PTPRG: variants seen among roughly 807,000 people sequenced by gnomAD.
The protein encoded by PTPRG is receptor-type tyrosine-protein phosphatase gamma.
A neutral mutation model predicts 165.3 loss-of-function variants in PTPRG; 102 were observed. The observed-to-expected ratio is 0.62, with a 90% CI of 0.53 to 0.73. PTPRG has a LOEUF of 0.73. PTPRG is among the 30% of genes least tolerant of loss of function. The probability of loss-of-function intolerance (pLI) is 0.00; values close to 1 mark genes in which losing one functional copy is unlikely to be tolerated. For missense variants in PTPRG, 1,866 were observed against 1,861.4 expected (o/e 1.00, Z -0.05); for synonymous variants, 675 against 669.5 (o/e 1.01, Z -0.13).
chr3:62,277,217 G>A (rs1702259582), intron 25 of PTPRG, among the ~76,000 whole-genome samples, 169 bp downstream of exon 25: 1 of 152,116 alleles, frequency 6.6e-6, no homozygotes, highest in African/African-American at 2.4e-5. Flanking sequence ...TACCTAATCA[G>A]TGCTGGTACA....
intron 1 of PTPRG, among the ~76,000 whole-genome samples, chr3:61,641,103 T>C (rs1702047302): frequency 6.6e-6 from 1 of 152,196 alleles, no homozygotes; most frequent in South Asian, 2.1e-4. Context: ...GCTTGACTCT[T>C]TGATCATCAA....
At chr3:61,925,346 C>G (rs2039180909) in intron 2 of PTPRG, among the ~76,000 whole-genome samples, 1 of 152,200 alleles carries the variant, frequency 6.6e-6, no homozygotes, top group Non-Finnish European at 1.5e-5. Context: ...GTTCCACTAG[C>G]CTCATGGAGC....
intron 1 of PTPRG, among the ~76,000 whole-genome samples, chr3:61,672,547 G>A (rs1283743480): frequency 7.0e-6 from 1 of 143,820 alleles, no homozygotes; most frequent in African/African-American, 2.6e-5. Flanking sequence ...GCGAAACCCC[G>A]TCTCCACCAA....
chr3:61,792,350 C>T (rs917685831), intron 2 of PTPRG, among the ~76,000 whole-genome samples: 1 of 151,978 alleles, frequency 6.6e-6, no homozygotes, highest in African/African-American at 2.4e-5. Context: ...GTCACCCCTC[C>T]GTAGCTGGGA....
Position 62,267,402 on chromosome 3 carries a change from T to C in PTPRG, c.2657-8T>C, listed in dbSNP as rs373714700. 3 of 1,577,500 alleles carry C rather than the reference T, an allele frequency of 1.9e-6. No homozygotes were observed. Among genetic ancestry groups the C allele is most frequent in the Non-Finnish European group, 2.6e-6 (3 of 1,156,374 alleles). On this transcript the variant is annotated splice_region_variant and splice_polypyrimidine_tract_variant and intron_variant, in intron 17 of 29. Transcript: ENST00000474889. ...TTTATTTCTGTTTTTTTTTCTTATC[T>C]TCTATAGATGATCACAGTAGGGTGA...
In PTPRG at chr3:62,100,344, G is replaced by A. The variant is rs373631552; in HGVS notation, c.615+22086G>A. On this transcript the variant is annotated intron_variant, in intron 5 of 29. Transcript: ENST00000474889. ...TTTTCTATATCTTAAACAGAAAACCGACACTTTGGTTATTACAACATAATG... is the reference window on the plus strand; with the variant it reads ...TTTTCTATATCTTAAACAGAAAACCAACACTTTGGTTATTACAACATAATG... Among the ~76,000 whole-genome samples the A allele has an allele frequency of 3.0e-4, 46 of 152,224 alleles. No homozygotes were observed. In the East Asian group the frequency reaches 7.9e-3, roughly 26 times the overall value.
intron 2 of PTPRG, among the ~76,000 whole-genome samples, chr3:61,943,573 G>A (rs1278969841): frequency 6.6e-6 from 1 of 152,200 alleles, no homozygotes; most frequent in Admixed American, 6.5e-5. Flanking sequence ...GTGAGACTCT[G>A]TCTCAAAATA....
At chr3:61,788,622 A>G (rs1461394403) in intron 2 of PTPRG, among the ~76,000 whole-genome samples, 4 of 152,238 alleles carry the variant, frequency 2.6e-5, no homozygotes, top group South Asian at 4.1e-4. Flanking sequence ...TTCTTTTTCA[A>G]TGCAAGTTCA....
chr3:61,887,106 A>T (rs2038058161), intron 2 of PTPRG, among the ~76,000 whole-genome samples: 1 of 135,550 alleles, frequency 7.4e-6, no homozygotes, highest in African/African-American at 2.8e-5. Context: ...CTATTTTTAA[A>T]GTATAACCAT....
At chr3:61,781,776 G>A (rs922093247) in intron 2 of PTPRG, among the ~76,000 whole-genome samples, 3 of 151,912 alleles carry the variant, frequency 2.0e-5, no homozygotes, top group African/African-American at 4.8e-5. Context: ...TATGTAGGCT[G>A]GAGTGCAGTG....
chr3:61,974,164 A>G (rs2040448016), intron 2 of PTPRG, among the ~76,000 whole-genome samples: 1 of 152,086 alleles, frequency 6.6e-6, no homozygotes. Context: ...TAATCTTTTG[A>G]TACCTTAAAT....
At chr3:61,655,796 T>C (rs956590723) in intron 1 of PTPRG, among the ~76,000 whole-genome samples, 11 of 152,150 alleles carry the variant, frequency 7.2e-5, no homozygotes, top group Admixed American at 6.5e-4. Flanking sequence ...TTTGTAGATA[T>C]AGGATCTCCC....
At chr3:61,824,284 G>A (rs1325710064) in intron 2 of PTPRG, among the ~76,000 whole-genome samples, 2 of 152,206 alleles carry the variant, frequency 1.3e-5, no homozygotes, top group Admixed American at 6.5e-5. Context: ...ATTTGTAGAT[G>A]AATATGTTAA....
At position 62,262,877 on chromosome 3, in the gene PTPRG, A is replaced by T; in HGVS notation, c.2639A>T (p.Tyr880Phe). The stretch of plus-strand genomic sequence containing the variant: ...CCAGAAAACAAGCACAAAAACAGAT[A>T]CATCAACATTTTAGCATGTGAGTAA... ...NHPENKHKNR[Y>F]INILAYDHSR... is the part of the protein sequence containing the mutation. The change falls in exon 17 of 30, where the codon TAC (tyrosine) becomes TTC (phenylalanine). Residue 880 changes from tyrosine (Y) to phenylalanine (F), a missense_variant. Physicochemically the swap from Tyr to Phe is conservative, Grantham distance 22. Coordinates refer to ENST00000474889, the MANE Select transcript of PTPRG (RefSeq NM_002841.4). 12 of 1,612,250 alleles carry T rather than the reference A, an allele frequency of 7.4e-6. No individual in the cohort carries two copies. Among genetic ancestry groups the T allele is most frequent in the Non-Finnish European group, 9.3e-6 (11 of 1,178,282 alleles).
At chr3:61,817,069 ATATAT>A (rs1213518196) in intron 2 of PTPRG, among the ~76,000 whole-genome samples, 96 of 133,182 alleles carry the variant, frequency 7.2e-4, no homozygotes, top group Middle Eastern at 3.8e-3. Context: ...TATATAATAC[ATATAT>A]TATATATAAT....
At chr3:62,084,194 T>C (rs1257064910) in intron 5 of PTPRG, among the ~76,000 whole-genome samples, 1 of 152,222 alleles carries the variant, frequency 6.6e-6, no homozygotes, top group Non-Finnish European at 1.5e-5. Flanking sequence ...TCCAGAGATC[T>C]AGTCAATAGG....
intron 2 of PTPRG, among the ~76,000 whole-genome samples, chr3:61,879,136 C>T (rs1050081583): frequency 2.0e-5 from 3 of 152,262 alleles, no homozygotes; most frequent in East Asian, 1.9e-4. Context: ...GTAAAAATTG[C>T]TCAGAAAAGT....
rs774262138 is a variant in PTPRG, at chr3:62,080,061, C to CTTTTTTTTTTTTTTTTTTT, written c.615+1803_615+1804insTTTTTTTTTTTTTTTTTTT. 3.6e-5 allele frequency among the ~76,000 whole-genome samples: 4 copies of CTTTTTTTTTTTTTTTTTTT among 111,568 alleles called. 2 individuals carry two copies. Among genetic ancestry groups the CTTTTTTTTTTTTTTTTTTT allele is most frequent in the African/African-American group, 1.4e-4 (4 of 27,768 alleles). 73.2% of individuals were successfully genotyped at this position (111,568 alleles called of 152,430 possible). On this transcript the variant is annotated intron_variant, in intron 5 of 29. Coordinates refer to ENST00000474889, the MANE Select transcript of PTPRG (RefSeq NM_002841.4). ...GAGTTCTGTCTGGACCCCTTCGGTTCATTTTTTTTTTTTTTTTTTTTGAGA... is the reference window on the plus strand; with the variant it reads ...GAGTTCTGTCTGGACCCCTTCGGTTCTTTTTTTTTTTTTTTTTTTATTTTTTTTTTTTTTTTTTTTGAGA...
At position 62,078,262 on chromosome 3, in the gene PTPRG, A is replaced by G. The variant is rs771992301; in HGVS notation, c.615+4A>G. On this transcript the variant is annotated splice_donor_region_variant and intron_variant, in intron 5 of 29. Transcript: ENST00000474889. ...AGCCATGGCCATATTTTTTCAAGTA[A>G]GTTAACAGTGGCTGAAGTACTTCAA... The G allele has an allele frequency of 1.9e-6, 3 of 1,569,372 alleles. No individual in the cohort carries two copies. The highest frequency in any genetic ancestry group is 2.6e-6 in the Non-Finnish European group (3 of 1,151,582).
Sources: gnomAD v4.1 joint callset for allele counts (sites outside exome capture counted in the v4.1 genomes callset) on GRCh38, gnomAD v4.1.1 for gene constraint, MANE v1.5 for transcripts, NCBI Gene and HGNC (gene_info 2026-07-23, HGNC 2026-07-21) for gene names.